Variants in THSD7B observed in about 807,000 individuals in gnomAD.
The protein encoded by THSD7B is thrombospondin type-1 domain-containing protein 7B.
In THSD7B, 138 loss-of-function variants were observed where a neutral mutation model predicts 213.6. That is an observed-to-expected ratio of 0.65 (90% CI 0.56 to 0.74). The LOEUF (loss-of-function observed/expected upper bound fraction) is 0.74. Among genes scored for constraint, THSD7B ranks in the 30% least tolerant of loss-of-function variants. The pLI is 0.00. For missense variants in THSD7B, 1,931 were observed against 1,991.5 expected, an observed-to-expected ratio of 0.97 and a Z score of 0.58; for synonymous variants, 742 against 687.0, an observed-to-expected ratio of 1.08 and a Z score of -1.25.
At chr2:136,973,772 A>G (rs979115786) in intron 2 of THSD7B, among the ~76,000 whole-genome samples, 2 of 152,164 alleles carry the variant, frequency 1.3e-5, no homozygotes, top group African/African-American at 4.8e-5. Context: ...TTGAGTTTTA[A>G]TATTTAGGGT....
At chr2:137,235,398 A>T (rs932117817) in intron 9 of THSD7B, among the ~76,000 whole-genome samples, 1 of 152,174 alleles carries the variant, frequency 6.6e-6, no homozygotes, top group Non-Finnish European at 1.5e-5. Context: ...TTGACCCACT[A>T]TGACAGGAAA....
chr2:136,877,441 A>G (rs1683543277), intron 1 of THSD7B, among the ~76,000 whole-genome samples: 1 of 152,196 alleles, frequency 6.6e-6, no homozygotes, highest in South Asian at 2.1e-4. Flanking sequence ...TCTTGGAGAA[A>G]AAAACCATTC....
At chr2:136,773,873 C>T (rs1056221654) in intron 1 of THSD7B, among the ~76,000 whole-genome samples, 1 of 151,190 alleles carries the variant, frequency 6.6e-6, no homozygotes, top group South Asian at 2.1e-4. Flanking sequence ...CTTTAGATAC[C>T]GGCATGGATA....
chr2:136,916,989 C>A (rs1243397662), intron 2 of THSD7B, among the ~76,000 whole-genome samples: 1 of 152,006 alleles, frequency 6.6e-6, no homozygotes, highest in Admixed American at 6.6e-5. Context: ...TATTATGAGG[C>A]TATAAAAAGA....
intron 2 of THSD7B, among the ~76,000 whole-genome samples, chr2:136,910,826 A>G (rs1244167549): frequency 6.6e-6 from 1 of 152,064 alleles, no homozygotes; most frequent in East Asian, 1.9e-4. Context: ...ATAATGATAT[A>G]TGATTTAATG....
At chr2:136,983,211 TG>T (rs1275601010) in intron 2 of THSD7B, among the ~76,000 whole-genome samples, 1 of 152,140 alleles carries the variant, frequency 6.6e-6, no homozygotes. Flanking sequence ...TTCTCCCATA[TG>T]TGAATTGTAT....
intron 2 of THSD7B, among the ~76,000 whole-genome samples, chr2:137,047,075 A>G (rs1686984565): frequency 1.3e-5 from 2 of 152,352 alleles, no homozygotes; most frequent in South Asian, 4.1e-4. Flanking sequence ...TAGGACCACA[A>G]TAGGGAAAAG....
intron 1 of THSD7B, among the ~76,000 whole-genome samples, chr2:136,803,507 G>T (rs563198175): frequency 6.6e-6 from 1 of 152,174 alleles, no homozygotes; most frequent in South Asian, 2.1e-4. Flanking sequence ...TGTCTACTGT[G>T]GCTGTTTTGT....
intron 15 of THSD7B, among the ~76,000 whole-genome samples, chr2:137,513,356 T>G (rs956776158): frequency 2.6e-5 from 4 of 152,152 alleles, no homozygotes; most frequent in African/African-American, 9.7e-5. Flanking sequence ...GCTATAGGAT[T>G]GATATTTTAA....
chr2:137,613,227 T>C (rs1473757659), intron 17 of THSD7B, among the ~76,000 whole-genome samples: 2 of 152,168 alleles, frequency 1.3e-5, no homozygotes, highest in African/African-American at 4.8e-5. Flanking sequence ...ACATTTTCAG[T>C]CTCTCTTTCG....
chr2:136,935,930 T>G (rs1436765938), intron 2 of THSD7B, among the ~76,000 whole-genome samples: 2 of 147,994 alleles, frequency 1.4e-5, no homozygotes, highest in African/African-American at 4.9e-5. Flanking sequence ...TCTTATATAA[T>G]TATAATTATA....
At chr2:137,501,278 A>G (rs1424960701) in intron 15 of THSD7B, among the ~76,000 whole-genome samples, 2 of 152,180 alleles carry the variant, frequency 1.3e-5, no homozygotes, top group Non-Finnish European at 2.9e-5. Context: ...GGATTCCACA[A>G]TCTAGCAAAA....
intron 5 of THSD7B, among the ~76,000 whole-genome samples, chr2:137,124,722 T>C (rs933436177): frequency 2.0e-5 from 3 of 152,224 alleles, no homozygotes; most frequent in Non-Finnish European, 2.9e-5. Flanking sequence ...TTTTACCTTT[T>C]TATTTTTAAA....
In THSD7B at chr2:137,242,561, T is replaced by A; in HGVS notation, c.2255T>A (p.Met752Lys). ...AFSEWTPCPR[M>K]CQAGNATVKQ... Reference sequence around the variant, plus strand: ...AGTGAGTGGACACCCTGCCCAAGGATGTGCCAAGCAGGTAGGTGGATGCTG... The same window carrying A: ...AGTGAGTGGACACCCTGCCCAAGGAAGTGCCAAGCAGGTAGGTGGATGCTG... Residue 752 changes from methionine to lysine, a missense_variant, in exon 10 of 28, where the codon ATG (methionine) becomes AAG (lysine). By Grantham distance (95) the Met-to-Lys change is moderately conservative (BLOSUM62 -1). Coordinates refer to ENST00000409968, the MANE Select transcript of THSD7B (RefSeq NM_001316349.2). 2 of 1,613,452 alleles carry A rather than the reference T, an allele frequency of 1.2e-6. No homozygotes were observed. Among genetic ancestry groups the A allele is most frequent in the Non-Finnish European group, 1.7e-6 (2 of 1,179,464 alleles).
intron 21 of THSD7B, among the ~76,000 whole-genome samples, chr2:137,645,519 CTGT>C (rs1229614416): frequency 6.6e-6 from 1 of 152,094 alleles, no homozygotes; most frequent in Non-Finnish European, 1.5e-5. Context: ...TACATTGTGG[CTGT>C]TGTTGTCGAA....
At chr2:137,335,542 A>G (rs1573968023) in intron 12 of THSD7B, among the ~76,000 whole-genome samples, 1 of 152,168 alleles carries the variant, frequency 6.6e-6, no homozygotes. Context: ...TTAATACCCT[A>G]TGCTCACAAC....
intron 2 of THSD7B, among the ~76,000 whole-genome samples, chr2:137,025,517 T>C (rs1686535323): frequency 6.6e-6 from 1 of 152,154 alleles, no homozygotes; most frequent in African/African-American, 2.4e-5. Flanking sequence ...CCAAATAGTA[T>C]ACTAATACCA....
intron 14 of THSD7B, among the ~76,000 whole-genome samples, chr2:137,412,606 A>G: frequency 6.8e-6 from 1 of 147,110 alleles, no homozygotes; most frequent in Non-Finnish European, 1.5e-5. Context: ...TCAAAAAAAA[A>G]AAAACAAAAA....
intron 12 of THSD7B, among the ~76,000 whole-genome samples, chr2:137,361,648 A>T (rs906410579): frequency 1.3e-5 from 2 of 152,188 alleles, no homozygotes; most frequent in Non-Finnish European, 2.9e-5. Context: ...TGAAGATCAA[A>T]TGAATGAAAT....
Sources: allele counts gnomAD v4.1 joint callset (sites outside exome capture counted in the v4.1 genomes callset), GRCh38; gene constraint gnomAD v4.1.1; transcripts MANE v1.5; gene names NCBI Gene and HGNC (gene_info 2026-07-23, HGNC 2026-07-21).